The following KREMEN1 variants were observed in gnomAD, a reference collection of about 807,000 sequenced individuals.
The protein encoded by KREMEN1 is kringle containing transmembrane protein 1, also known as kremen protein 1.
A neutral mutation model predicts 46.5 loss-of-function variants in KREMEN1; 30 were observed. That is an observed-to-expected ratio of 0.65 (90% CI 0.48 to 0.88). The LOEUF (loss-of-function observed/expected upper bound fraction) is 0.88, where lower values mean the gene tolerates loss of function less well. KREMEN1 is among the 40% of genes least tolerant of loss of function. KREMEN1 has a pLI of 0.00. For missense variants in KREMEN1, 533 were observed against 596.9 expected (o/e 0.89, Z 1.11); for synonymous variants, 214 against 230.6 (o/e 0.93, Z 0.65).
intron 9 of KREMEN1, among the ~76,000 whole-genome samples, chr22:29,165,018 C>G (rs568974023): frequency 1.6e-4 from 25 of 151,856 alleles, no homozygotes; most frequent in African/African-American, 4.8e-4. Flanking sequence ...ACTAAAAATA[C>G]AAAAATTAGC....
chr22:29,110,222 A>G (rs536991812), intron 3 of KREMEN1, among the ~76,000 whole-genome samples: 90 of 152,304 alleles, frequency 5.9e-4, no homozygotes, highest in African/African-American at 2.1e-3. Context: ...CTGGCATTCA[A>G]GGTGGCTTCA....
chr22:29,110,441 A>G (rs2038130104), intron 3 of KREMEN1, among the ~76,000 whole-genome samples: 1 of 152,240 alleles, frequency 6.6e-6, no homozygotes, highest in East Asian at 1.9e-4. Flanking sequence ...ACACATGTAC[A>G]GGGAGGGGAG....
intron 9 of KREMEN1, among the ~76,000 whole-genome samples, chr22:29,157,172 A>G (rs184421636): frequency 6.6e-6 from 1 of 152,310 alleles, no homozygotes; most frequent in Admixed American, 6.5e-5. Context: ...TGGGGGCTCC[A>G]CGCAAAGATT....
intron 3 of KREMEN1, among the ~76,000 whole-genome samples, chr22:29,120,501 A>ACAGGGAGGAGGGAGAGGTGATGAT (rs2038333982): frequency 1.4e-5 from 1 of 69,186 alleles, no homozygotes; most frequent in Non-Finnish European, 3.1e-5. Context: ...GAGGTGATAA[A>ACAGGGAGGAGGGAGAGGTGATGAT]GGAAACGGAG....
At chr22:29,103,627 G>C (rs1208734713) in intron 3 of KREMEN1, among the ~76,000 whole-genome samples, 1 of 152,154 alleles carries the variant, frequency 6.6e-6, no homozygotes, top group Non-Finnish European at 1.5e-5. Context: ...CATGTCTCTA[G>C]ATCCCACGCT....
At chr22:29,124,492 CT>C (rs376062297) in intron 4 of KREMEN1, among the ~76,000 whole-genome samples, 3,067 of 143,364 alleles carry the variant, frequency 0.021, 56 homozygotes, top group East Asian at 0.081. Context: ...TTGCACAAAT[CT>C]TTTTTTTTTT....
chr22:29,096,408 A>G (rs181104205), intron 2 of KREMEN1, among the ~76,000 whole-genome samples: 11 of 152,260 alleles, frequency 7.2e-5, no homozygotes, highest in Admixed American at 1.3e-4. Context: ...AATTTATGTG[A>G]AAAATTTTTC....
In KREMEN1 at chr22:29,125,343, C is replaced by T. The variant is rs368284178; in HGVS notation, c.558C>T (p.Thr186=). The change falls in exon 5 of 9, where the codon ACC becomes ACT. Residue 186 remains threonine (T), a synonymous_variant. Coordinates refer to ENST00000400335, the MANE Select transcript of KREMEN1 (RefSeq NM_001039570.3). ...DYWKYGEAAS[T]ECNSVCFGDH... Reference sequence around the variant, plus strand: ...GGAAGTACGGGGAGGCAGCCAGTACCGAATGCAACAGCGTCTGCTTCGGGG... The same window carrying T: ...GGAAGTACGGGGAGGCAGCCAGTACTGAATGCAACAGCGTCTGCTTCGGGG... 36 of 1,614,036 alleles carry T rather than the reference C, an allele frequency of 2.2e-5. No individual in the cohort carries two copies. Among genetic ancestry groups the T allele is most frequent in the Middle Eastern group, 1.6e-4 (1 of 6,084 alleles).
intron 3 of KREMEN1, among the ~76,000 whole-genome samples, chr22:29,118,914 C>G (rs964331625): frequency 6.6e-6 from 1 of 152,158 alleles, no homozygotes; most frequent in Non-Finnish European, 1.5e-5. Flanking sequence ...AGACTGCCCC[C>G]CACTTCAGAT....
At position 29,142,870 on chromosome 22, in the gene KREMEN1, C is replaced by T; in HGVS notation, c.*758C>T. 1.0e-6 allele frequency: 1 copy of T among 985,456 alleles called. No individual in the cohort carries two copies. Among genetic ancestry groups the T allele is most frequent in the African/African-American group, 1.7e-5 (1 of 57,378 alleles). 61.0% of individuals were successfully genotyped at this position (985,456 alleles called of 1,614,324 possible). On this transcript the variant is annotated 3_prime_UTR_variant, in exon 9 of 9. Transcript: ENST00000400335. ...TTGGTCATATAAAACATCCATTCAG[C>T]TGGGCGCGATGGCTCATGCCTGTAA...
In KREMEN1 at chr22:29,144,218, G is replaced by A. The variant is rs998169020; in HGVS notation, c.*2106G>A. The A allele has an allele frequency of 2.0e-6, 2 of 985,454 alleles. No individual in the cohort carries two copies. Among genetic ancestry groups the A allele is most frequent in the African/African-American group, 3.5e-5 (2 of 57,242 alleles). The allele number at this position is 985,454 out of a possible 1,614,324, so 61.0% of individuals were successfully genotyped here. On this transcript the variant is annotated 3_prime_UTR_variant, in exon 9 of 9. Coordinates refer to ENST00000400335, the MANE Select transcript of KREMEN1 (RefSeq NM_001039570.3). ...CCCAAGCCCTGAGCCACTGCCTGCT[G>A]GGGCTCCTACTGAGGTTCTGGAAAC...
At chr22:29,160,234 T>A (rs1032461393) in intron 9 of KREMEN1, among the ~76,000 whole-genome samples, 4 of 151,550 alleles carry the variant, frequency 2.6e-5, no homozygotes, top group African/African-American at 9.7e-5. Context: ...AGACGGAAAA[T>A]ACTAAGAAGA....
intron 7 of KREMEN1, 51 bp from the exon 8 acceptor site, chr22:29,140,231 C>T (rs779987683): frequency 4.7e-6 from 7 of 1,504,010 alleles, no homozygotes; most frequent in South Asian, 4.5e-5. Context: ...GACCTCCTTT[C>T]GAAAACCAAC....
At position 29,144,749 on chromosome 22, in the gene KREMEN1, G is replaced by A. The variant is rs1019699910; in HGVS notation, c.*2637G>A. On this transcript the variant is annotated 3_prime_UTR_variant, in exon 9 of 9. Coordinates refer to ENST00000400335, the MANE Select transcript of KREMEN1 (RefSeq NM_001039570.3). ...GGCAGTTGTTCAGTTGCCTGGGGCT[G>A]ACACTGACCACTGGCCTCTGGGGTG... 41 of 985,408 alleles carry A rather than the reference G, an allele frequency of 4.2e-5. No homozygotes were observed. The African/African-American group carries it at 6.6e-4, about 16-fold the overall frequency. 61.0% of individuals were successfully genotyped at this position (985,408 alleles called of 1,614,324 possible). A position where few individuals can be genotyped will look rare whatever the true frequency, so the allele number is the denominator to read the frequency against.
At chr22:29,138,971 C>A in intron 7 of KREMEN1, 189 bp downstream of exon 7, 1 of 818,020 alleles carries the variant, frequency 1.2e-6, no homozygotes, top group Non-Finnish European at 1.9e-6. Context: ...TTCCTTAGTC[C>A]TGAGGGAAAA....
At chr22:29,136,961 C>T (rs895607379) in intron 5 of KREMEN1, among the ~76,000 whole-genome samples, 1 of 152,172 alleles carries the variant, frequency 6.6e-6, no homozygotes, top group African/African-American at 2.4e-5. Flanking sequence ...TGCCATCACA[C>T]ATTCCCGTGA....
At chr22:29,158,687 G>A (rs1488117700) in intron 9 of KREMEN1, among the ~76,000 whole-genome samples, 1 of 152,220 alleles carries the variant, frequency 6.6e-6, no homozygotes, top group Non-Finnish European at 1.5e-5. Flanking sequence ...GAAGGGATCA[G>A]TCTTGGTTCC....
intron 9 of KREMEN1, among the ~76,000 whole-genome samples, chr22:29,158,268 G>A (rs1389074534): frequency 6.6e-6 from 1 of 152,210 alleles, no homozygotes; most frequent in Non-Finnish European, 1.5e-5. Flanking sequence ...GGGACAAAAT[G>A]ATGCCGGAGC....
At chr22:29,161,385 T>C (rs1356393741) in intron 9 of KREMEN1, among the ~76,000 whole-genome samples, 1 of 151,572 alleles carries the variant, frequency 6.6e-6, no homozygotes, top group East Asian at 1.9e-4. Context: ...CAGGCGCCTG[T>C]AGTCCCAACT....
Sources: allele counts gnomAD v4.1 joint callset (sites outside exome capture counted in the v4.1 genomes callset), GRCh38; gene constraint gnomAD v4.1.1; transcripts MANE v1.5; gene names NCBI Gene and HGNC (gene_info 2026-07-23, HGNC 2026-07-21).